Variants in PKP4 observed in about 807,000 individuals in gnomAD.
PKP4 encodes plakophilin 4.
PKP4 carries 90 observed loss-of-function variants against 145.1 expected under a neutral mutation model. That is an observed-to-expected ratio of 0.62 (90% CI 0.52 to 0.74). The LOEUF (loss-of-function observed/expected upper bound fraction) is 0.74. Ranked by LOEUF, PKP4 falls within the 30% of genes least tolerant of loss-of-function variation. The pLI is 0.00. For missense variants in PKP4, 1,340 were observed against 1,482.7 expected (o/e 0.90, Z 1.58); for synonymous variants, 563 against 577.2 (o/e 0.98, Z 0.35).
chr2:158,651,290 A>T (rs1273627378), intron 11 of PKP4, among the ~76,000 whole-genome samples: 1 of 152,076 alleles, frequency 6.6e-6, no homozygotes, highest in Admixed American at 6.5e-5. Flanking sequence ...TTTCACACGT[A>T]TTCAAACTCC....
Position 158,658,122 on chromosome 2 carries a change from CT to C in PKP4, c.1910-3del. On this transcript the variant is annotated splice_region_variant and splice_polypyrimidine_tract_variant and intron_variant, in intron 11 of 21. Transcript: ENST00000389759. ...CTATTTGTTTGATTTTTTAAATCTC[CT>C]TTTTTAGGAGTTCTTTGGAATTTAT... 3.3e-6 allele frequency: 5 copies of C among 1,528,552 alleles called. No homozygotes were observed. The highest frequency in any genetic ancestry group is 2.3e-5 in the East Asian group (1 of 44,188). The allele number at this position is 1,528,552 out of a possible 1,614,324, so 94.7% of individuals were successfully genotyped here.
Position 158,669,904 on chromosome 2 carries a change from C to G in PKP4, c.2913C>G (p.Gly971=). The change falls in exon 17 of 22, where the codon GGC becomes GGG. Residue 971 remains glycine (G), a synonymous_variant. Coordinates refer to ENST00000389759, the MANE Select transcript of PKP4 (RefSeq NM_003628.6). The part of the protein sequence containing the change: ...GIEKLVNITK[G]RGDRSSLKVV... ...AGAAGCTGGTGAACATAACCAAAGG[C>G]AGGGGCGACAGGCAAGTCTGCGGCA... The G allele has an allele frequency of 1.2e-6, 2 of 1,609,810 alleles. No individual in the cohort carries two copies. Among genetic ancestry groups the G allele is most frequent in the East Asian group, 2.2e-5 (1 of 44,792 alleles).
At chr2:158,603,225 G>A (rs555691550) in intron 4 of PKP4, 121 bp downstream of exon 4, 123 of 519,916 alleles carry the variant, frequency 2.4e-4, no homozygotes, top group Non-Finnish European at 3.2e-4. Context: ...ACAATATTGC[G>A]CTACATTGCT....
chr2:158,676,370 T>G (rs2058007187), intron 19 of PKP4, among the ~76,000 whole-genome samples: 1 of 152,242 alleles, frequency 6.6e-6, no homozygotes, highest in Non-Finnish European at 1.5e-5. Flanking sequence ...GTATAACTCT[T>G]GCATGGCTAG....
At chr2:158,664,946 T>TGA (rs2056945181) in intron 15 of PKP4, among the ~76,000 whole-genome samples, 1 of 152,142 alleles carries the variant, frequency 6.6e-6, no homozygotes, top group South Asian at 2.1e-4. Context: ...TTGATGATAA[T>TGA]AAAAGACAGT....
At chr2:158,590,010 G>C (rs1280837109) in intron 3 of PKP4, among the ~76,000 whole-genome samples, 2 of 152,126 alleles carry the variant, frequency 1.3e-5, no homozygotes, top group African/African-American at 4.8e-5. Context: ...GGACAAACAT[G>C]ACAAGTTTGC....
At chr2:158,473,378 A>C (rs943822828) in intron 1 of PKP4, among the ~76,000 whole-genome samples, 2 of 152,226 alleles carry the variant, frequency 1.3e-5, no homozygotes, top group Admixed American at 6.5e-5. Flanking sequence ...TTGCAGCACT[A>C]TTCATAGTAA....
chr2:158,659,067 T>A (rs1226388071), intron 12 of PKP4: 3 of 152,270 alleles, frequency 2.0e-5, no homozygotes, highest in Non-Finnish European at 4.4e-5. Flanking sequence ...GGAAGGTGCT[T>A]AGCACAGTGT....
At chr2:158,674,021 C>T (rs538649738) in intron 19 of PKP4, 21 bp downstream of exon 19, 15 of 1,264,088 alleles carry the variant, frequency 1.2e-5, no homozygotes, top group Non-Finnish European at 1.6e-5. Flanking sequence ...AAATGCCACT[C>T]CTTGGCGAGA....
At chr2:158,500,686 C>A (rs1322698899) in intron 1 of PKP4, among the ~76,000 whole-genome samples, 1 of 152,168 alleles carries the variant, frequency 6.6e-6, no homozygotes, top group African/African-American at 2.4e-5. Context: ...CATTGTTGGC[C>A]TACAGCTATG....
At chr2:158,563,836 A>G (rs781289260) in intron 2 of PKP4, among the ~76,000 whole-genome samples, 44 of 152,068 alleles carry the variant, frequency 2.9e-4, no homozygotes, top group Admixed American at 2.2e-3. Flanking sequence ...GTTGTTTCCA[A>G]TTGTTAGAAT....
At chr2:158,604,898 T>G (rs1483127586) in intron 4 of PKP4, among the ~76,000 whole-genome samples, 1 of 152,116 alleles carries the variant, frequency 6.6e-6, no homozygotes, top group African/African-American at 2.4e-5. Context: ...GACAACTGAG[T>G]TAGAGAAAGC....
intron 17 of PKP4, among the ~76,000 whole-genome samples, chr2:158,671,765 A>G (rs556276082): frequency 7.7e-4 from 118 of 152,314 alleles, no homozygotes; most frequent in Middle Eastern, 3.4e-3. Context: ...ACGAACAGAA[A>G]CGCGTGGAGC....
At chr2:158,537,645 G>A (rs1574365635) in intron 2 of PKP4, among the ~76,000 whole-genome samples, 1 of 152,168 alleles carries the variant, frequency 6.6e-6, no homozygotes. Context: ...ACAGATGTAG[G>A]AAAGGAGGAA....
chr2:158,608,675 T>G (rs1286919816), intron 4 of PKP4, among the ~76,000 whole-genome samples: 2 of 152,150 alleles, frequency 1.3e-5, no homozygotes, highest in African/African-American at 4.8e-5. Context: ...ATGTTGTGGT[T>G]TTTCTTAAGT....
intron 11 of PKP4, among the ~76,000 whole-genome samples, chr2:158,647,858 C>G (rs2054976965): frequency 6.6e-6 from 1 of 152,150 alleles, no homozygotes; most frequent in African/African-American, 2.4e-5. Flanking sequence ...TGAATGTCTG[C>G]TAGGCCACAA....
intron 1 of PKP4, among the ~76,000 whole-genome samples, chr2:158,465,983 A>G (rs1341607300): frequency 1.3e-5 from 2 of 152,240 alleles, no homozygotes; most frequent in Non-Finnish European, 2.9e-5. Context: ...TCAGTCTTCC[A>G]AAATATTATT....
At position 158,544,569 on chromosome 2, in the gene PKP4, C is replaced by T. The variant is rs2044809663; in HGVS notation, c.132+11253C>T. 2.6e-5 allele frequency among the ~76,000 whole-genome samples: 4 copies of T among 152,084 alleles called. No homozygotes were observed. In the South Asian group the frequency reaches 8.3e-4, roughly 32 times the overall value. On this transcript the variant is annotated intron_variant, in intron 2 of 21. Transcript: ENST00000389759. The stretch of plus-strand genomic sequence containing the variant: ...CTCGTTATATTGTATTAATTTCATT[C>T]TGATGATATGTAGGCTGCACAAAAA...
chr2:158,497,369 C>T (rs1239579782), intron 1 of PKP4, among the ~76,000 whole-genome samples: 2 of 152,186 alleles, frequency 1.3e-5, no homozygotes, highest in African/African-American at 4.8e-5. Context: ...TGGTTTTTAT[C>T]TTCAAGGTAC....
Sources: allele counts gnomAD v4.1 joint callset (sites outside exome capture counted in the v4.1 genomes callset), GRCh38; gene constraint gnomAD v4.1.1; transcripts MANE v1.5; gene names NCBI Gene and HGNC (gene_info 2026-07-23, HGNC 2026-07-21).